Variants in LCT observed in about 807,000 individuals in gnomAD.
LCT encodes the protein lactase/phlorizin hydrolase.
LCT carries 90 observed loss-of-function variants against 173.0 expected under a neutral mutation model. The ratio of observed to expected loss-of-function variants is 0.52; its 90% CI spans 0.44 to 0.62. The LOEUF is 0.62. Ranked by LOEUF, LCT falls within the 20% of genes least tolerant of loss-of-function variation. LCT has a pLI of 0.00. For missense variants in LCT, 1,864 were observed against 2,431.4 expected (o/e 0.77, Z 4.91); for synonymous variants, 853 against 957.6 (o/e 0.89, Z 2.02).
At chr2:135,815,749 G>C (rs1289893977) in intron 6 of LCT, among the ~76,000 whole-genome samples, 1 of 152,012 alleles carries the variant, frequency 6.6e-6, no homozygotes, top group East Asian at 1.9e-4. Context: ...GCCCAGGCTG[G>C]AGTGCAGTGG....
intron 12 of LCT, 115 bp downstream of exon 12, chr2:135,800,492 T>C (rs2077616480): frequency 4.4e-6 from 4 of 900,626 alleles, no homozygotes; most frequent in South Asian, 4.1e-5. Flanking sequence ...TCCAAAGTGC[T>C]GGGATTATAG....
intron 2 of LCT, among the ~76,000 whole-genome samples, 179 bp from the exon 3 acceptor site, chr2:135,829,855 G>GTGTGTA (rs1208427932): frequency 3.3e-5 from 5 of 151,618 alleles, no homozygotes; most frequent in Non-Finnish European, 5.9e-5. Context: ...GTGTGTGTGT[G>GTGTGTA]TAGGGGGCGG....
Position 135,787,988 on chromosome 2 carries a change from CCCTTAACAA to C in LCT, c.*327_*335del. ...AGGAAGGATTTTTACGGTTTTTGCTCCCTTAACAACCCTTAACAACTCTGAAACTTAAAA... is the reference window on the plus strand; with the variant it reads ...AGGAAGGATTTTTACGGTTTTTGCTCCCCTTAACAACTCTGAAACTTAAAA... On this transcript the variant is annotated 3_prime_UTR_variant, in exon 17 of 17. Transcript: ENST00000264162. 3.0e-6 allele frequency: 1 copy of C among 331,034 alleles called. No individual in the cohort carries two copies. Among genetic ancestry groups the C allele is most frequent in the South Asian group, 3.1e-5 (1 of 32,688 alleles). 20.5% of individuals were successfully genotyped at this position (331,034 alleles called of 1,614,324 possible).
Position 135,807,182 on chromosome 2 carries a change from C to G in LCT, c.4119G>C (p.Leu1373=), listed in dbSNP as rs200028870. The change falls in exon 9 of 17, where the codon CTG becomes CTC. Residue 1373 remains leucine (L), a synonymous_variant. Transcript: ENST00000264162. ...GMPLAREDEF[L]YGRFPEGFIW... is the part of the protein sequence containing the mutation. ...TGAAGCCCTCAGGAAACCGTCCGTACAGAAACTCATCCTCCCTGGCCAGTG... is the reference window on the plus strand; with the variant it reads ...TGAAGCCCTCAGGAAACCGTCCGTAGAGAAACTCATCCTCCCTGGCCAGTG... 6.2e-7 allele frequency: 1 copy of G among 1,614,234 alleles called. No individual in the cohort carries two copies. Among genetic ancestry groups the G allele is most frequent in the South Asian group, 1.1e-5 (1 of 91,086 alleles).
In LCT at chr2:135,809,647, G is replaced by A. The variant is rs761282404; in HGVS notation, c.2700C>T (p.His900=). The change falls in exon 8 of 17, where the codon CAC becomes CAT. Residue 900 remains histidine, a synonymous_variant. Transcript: ENST00000264162. This position sits in a 1 kb window ranked among gnomAD's most constrained non-coding sequence, Gnocchi z 5.5. Reference sequence around the variant, plus strand: ...ACAGAAAGTCATCCCGAAACGTCCCGTGGTAGAACAAATCTCTTTCGAACT... The same window carrying A: ...ACAGAAAGTCATCCCGAAACGTCCCATGGTAGAACAAATCTCTTTCGAACT... ...QPKFERDLFY[H]GTFRDDFLWG... is the part of the protein sequence containing the mutation. The A allele has an allele frequency of 3.7e-6, 6 of 1,614,094 alleles. No homozygotes were observed. Among genetic ancestry groups the A allele is most frequent in the South Asian group, 1.1e-5 (1 of 91,080 alleles).
chr2:135,836,659 T>G lies in LCT; in HGVS notation c.511A>C (p.Thr171Pro). Residue 171 changes from threonine (T) to proline (P), a missense_variant, in exon 1 of 17, where the codon ACC becomes CCC. Coordinates refer to ENST00000264162, the MANE Select transcript of LCT (RefSeq NM_002299.4). ...ATCACTTCCTCCAAGTCACTGAAGG[T>G]GAACCAGATCCCAACTAGGTCCCCG... Reference protein sequence around the residue: ...SFGDLVGIWFTFSDLEEVIKE... With the variant: ...SFGDLVGIWFPFSDLEEVIKE... 1 of 1,614,126 alleles carries G rather than the reference T, an allele frequency of 6.2e-7. No individual in the cohort carries two copies. Among genetic ancestry groups the G allele is most frequent in the Non-Finnish European group, 8.5e-7 (1 of 1,180,024 alleles).
chr2:135,801,463 C>T (rs191442207), intron 11 of LCT, among the ~76,000 whole-genome samples: 1 of 152,076 alleles, frequency 6.6e-6, no homozygotes, highest in Admixed American at 6.5e-5. Flanking sequence ...ACCCATAATC[C>T]CAGCACTTTG....
chr2:135,814,309 C>A (rs1471992221), intron 6 of LCT, among the ~76,000 whole-genome samples: 2 of 152,110 alleles, frequency 1.3e-5, no homozygotes, highest in Non-Finnish European at 2.9e-5. Context: ...GCAAGGATGT[C>A]TTTCTTCTAA....
chr2:135,828,032 AT>A (rs2077901343), intron 3 of LCT, among the ~76,000 whole-genome samples: 1 of 151,838 alleles, frequency 6.6e-6, no homozygotes, highest in Admixed American at 6.6e-5. Flanking sequence ...TTTTATTTTT[AT>A]TTTTATTTTT....
At chr2:135,807,065 G>A (rs1253725198) in intron 9 of LCT, 63 bp downstream of exon 9, 8 of 1,588,128 alleles carry the variant, frequency 5.0e-6, no homozygotes, top group Admixed American at 1.7e-5. Flanking sequence ...CCAGCACTGA[G>A]CCCAGAGCCT....
At chr2:135,819,413 G>T (rs376116383) in intron 5 of LCT, among the ~76,000 whole-genome samples, 3 of 152,098 alleles carry the variant, frequency 2.0e-5, no homozygotes, top group Non-Finnish European at 2.9e-5. Context: ...TCGGCCTTGA[G>T]GAGTGTGGCA....
rs557674891 is a variant in LCT, at chr2:135,831,021, AC to A, written c.721-1346del. Among the ~76,000 whole-genome samples, 209 of 152,322 alleles carry A rather than the reference AC, an allele frequency of 1.4e-3. 1 individual carries two copies. The highest frequency in any genetic ancestry group is 0.011 in the South Asian group (55 of 4,824). On this transcript the variant is annotated intron_variant, in intron 2 of 16. Coordinates refer to ENST00000264162, the MANE Select transcript of LCT (RefSeq NM_002299.4). ...TCATGCCTTGCTGGGGATTAGACTC[AC>A]CTGGGGACTTCGGATGCCTGTGCAG...
chr2:135,823,848 C>T, intron 4 of LCT, 53 bp downstream of exon 4: 1 of 1,196,042 alleles, frequency 8.4e-7, no homozygotes, highest in African/African-American at 1.5e-5. Flanking sequence ...TGCTACCTAG[C>T]ACACCAGTGC....
At chr2:135,798,242 T>G in intron 12 of LCT, 104 bp from the exon 13 acceptor site, 2 of 757,496 alleles carry the variant, frequency 2.6e-6, no homozygotes, top group Non-Finnish European at 4.8e-6. Flanking sequence ...CTCCCTCCTT[T>G]TCCTGGACCC....
chr2:135,799,321 C>A (rs1011915238), intron 12 of LCT, among the ~76,000 whole-genome samples: 3 of 152,104 alleles, frequency 2.0e-5, no homozygotes, highest in Non-Finnish European at 4.4e-5. Flanking sequence ...CCTTGCCTTT[C>A]CTTCCTGATG....
At chr2:135,804,423 T>G (rs536923238) in intron 10 of LCT, among the ~76,000 whole-genome samples, 58 of 152,298 alleles carry the variant, frequency 3.8e-4, no homozygotes, top group Non-Finnish European at 3.4e-4. Flanking sequence ...GGCTCATACC[T>G]ATAATCTCAG....
chr2:135,787,935 C>T lies in LCT; in HGVS notation c.*389G>A, dbSNP rs1184023986. The T allele has an allele frequency of 2.3e-5, 6 of 258,630 alleles. No individual in the cohort carries two copies. The highest frequency in any genetic ancestry group is 3.8e-5 in the Non-Finnish European group (5 of 131,644). 16.0% of individuals were successfully genotyped at this position (258,630 alleles called of 1,614,324 possible). ...GAAGGGCAGGAGATGATATTGCAGT[C>T]TATGCAATGGAGTTGATTTCTTCTT... is the stretch of plus-strand genomic sequence containing the variant. On this transcript the variant is annotated 3_prime_UTR_variant, in exon 17 of 17. Coordinates refer to ENST00000264162, the MANE Select transcript of LCT (RefSeq NM_002299.4).
At chr2:135,826,719 C>T (rs1233869125) in intron 3 of LCT, among the ~76,000 whole-genome samples, 1 of 152,144 alleles carries the variant, frequency 6.6e-6, no homozygotes, top group African/African-American at 2.4e-5. Flanking sequence ...AACCCATTAG[C>T]CTAGCAACAA....
At chr2:135,802,609 C>T (rs1575335324) in intron 11 of LCT, among the ~76,000 whole-genome samples, 1 of 152,144 alleles carries the variant, frequency 6.6e-6, no homozygotes, top group Admixed American at 6.5e-5. Context: ...ATAAGTCAGG[C>T]ACAGAAAGGC....
Sources: allele counts gnomAD v4.1 joint callset (sites outside exome capture counted in the v4.1 genomes callset), GRCh38; gene constraint gnomAD v4.1.1; non-coding constraint Gnocchi (gnomAD v3.1); transcripts MANE v1.5; gene names NCBI Gene and HGNC (gene_info 2026-07-23, HGNC 2026-07-21).